Variants in DROSHA observed in about 807,000 individuals in gnomAD.
DROSHA encodes the protein ribonuclease 3.
A neutral mutation model predicts 181.9 loss-of-function variants in DROSHA; 56 were observed. That is an observed-to-expected ratio of 0.31 (90% CI 0.25 to 0.38). DROSHA has a LOEUF of 0.38. Among genes scored for constraint, DROSHA ranks in the 10% least tolerant of loss-of-function variants. DROSHA has a pLI of 1.00. For missense variants in DROSHA, 1,218 were observed against 1,743.5 expected, an observed-to-expected ratio of 0.70 and a Z score of 5.37; for synonymous variants, 524 against 591.2, an observed-to-expected ratio of 0.89 and a Z score of 1.65.
At chr5:31,430,590 T>C (rs1178976143) in intron 26 of DROSHA, among the ~76,000 whole-genome samples, 2 of 152,146 alleles carry the variant, frequency 1.3e-5, no homozygotes, top group African/African-American at 4.8e-5. Context: ...AAGACACAGA[T>C]CTGATAAATG....
At chr5:31,485,585 CTT>C (rs1751629276) in intron 14 of DROSHA, among the ~76,000 whole-genome samples, 1 of 138,732 alleles carries the variant, frequency 7.2e-6, no homozygotes, top group Non-Finnish European at 1.5e-5. Flanking sequence ...AAGTCATAAA[CTT>C]TTACAATAGC....
intron 20 of DROSHA, among the ~76,000 whole-genome samples, chr5:31,456,996 C>T (rs1030102303): frequency 2.6e-5 from 4 of 151,918 alleles, no homozygotes; most frequent in Admixed American, 2.6e-4. Flanking sequence ...CACACCTGGT[C>T]CAGACACATT....
At chr5:31,497,835 G>A (rs1489296386) in intron 11 of DROSHA, among the ~76,000 whole-genome samples, 2 of 152,204 alleles carry the variant, frequency 1.3e-5, no homozygotes, top group Non-Finnish European at 2.9e-5. Flanking sequence ...TCTCCTCAAA[G>A]ATAAGTCTTA....
Position 31,527,315 on chromosome 5 carries a change from T to C in DROSHA, c.21-403A>G, listed in dbSNP as rs113457596. Reference sequence around the variant, plus strand: ...CCCACTCCCATCTCCAAATGCAGATTTGGGATTACCACCCCCCCTCTGCAA... The same window carrying C: ...CCCACTCCCATCTCCAAATGCAGATCTGGGATTACCACCCCCCCTCTGCAA... On this transcript the variant is annotated intron_variant, in intron 4 of 35. Coordinates refer to ENST00000344624, the MANE Select transcript of DROSHA (RefSeq NM_001382508.1). 5.1e-3 allele frequency among the ~76,000 whole-genome samples: 780 copies of C among 152,118 alleles called. 10 individuals are homozygous for C. The highest frequency in any genetic ancestry group is 0.018 in the African/African-American group (743 of 41,476).
At chr5:31,402,969 G>T (rs1740205393) in intron 35 of DROSHA, among the ~76,000 whole-genome samples, 1 of 152,102 alleles carries the variant, frequency 6.6e-6, no homozygotes, top group Non-Finnish European at 1.5e-5. Context: ...TTTTAGTCGA[G>T]ATGGGGTTTC....
intron 17 of DROSHA, among the ~76,000 whole-genome samples, chr5:31,468,935 G>C (rs1201359558): frequency 6.6e-6 from 1 of 152,148 alleles, no homozygotes; most frequent in Non-Finnish European, 1.5e-5. Flanking sequence ...TTGGCTGCCT[G>C]GTTTCCCTGG....
chr5:31,470,912 A>G lies in DROSHA; in HGVS notation c.2241+1151T>C, dbSNP rs1749654339. 6.6e-6 allele frequency among the ~76,000 whole-genome samples: 1 copy of G among 152,156 alleles called. No individual in the cohort carries two copies. Among genetic ancestry groups the G allele is most frequent in the South Asian group, 2.1e-4 (1 of 4,832 alleles). ...ATGAAAAGTGACAGAGGGAATATCA[A>G]TATATGCAACTGTTTTAAGAATAAA... is the stretch of plus-strand genomic sequence containing the variant. On this transcript the variant is annotated intron_variant, in intron 17 of 35. Coordinates refer to ENST00000344624, the MANE Select transcript of DROSHA (RefSeq NM_001382508.1). The surrounding 1 kb of genome is among the most constrained non-coding windows in gnomAD (Gnocchi z 4.0).
intron 6 of DROSHA, 147 bp from the exon 7 acceptor site, chr5:31,515,711 G>T: frequency 8.6e-7 from 1 of 1,157,114 alleles, no homozygotes; most frequent in Non-Finnish European, 1.2e-6. Context: ...TCTCAATATG[G>T]CCATAAATTT....
intron 23 of DROSHA, among the ~76,000 whole-genome samples, chr5:31,445,991 T>C (rs1248305451): frequency 2.0e-5 from 3 of 152,186 alleles, no homozygotes; most frequent in Non-Finnish European, 4.4e-5. Context: ...CTGCTATTTG[T>C]AGATGATATT....
intron 23 of DROSHA, among the ~76,000 whole-genome samples, chr5:31,444,821 G>T (rs1452098378): frequency 6.6e-6 from 1 of 152,166 alleles, no homozygotes; most frequent in African/African-American, 2.4e-5. Flanking sequence ...AGGTATATGG[G>T]CATATGATCA....
chr5:31,481,279 C>T (rs1268596282), intron 16 of DROSHA, among the ~76,000 whole-genome samples: 6 of 151,948 alleles, frequency 3.9e-5, no homozygotes, highest in Non-Finnish European at 7.4e-5. Context: ...AAAGGTAAAC[C>T]CTGTTTAAAA....
intron 25 of DROSHA, among the ~76,000 whole-genome samples, chr5:31,433,689 C>A (rs531224133): frequency 2.6e-5 from 4 of 152,052 alleles, no homozygotes; most frequent in African/African-American, 4.8e-5. Flanking sequence ...GGACTACAGG[C>A]GCCTGCCACC....
chr5:31,439,029 T>C (rs1687899796), intron 23 of DROSHA, among the ~76,000 whole-genome samples: 1 of 152,156 alleles, frequency 6.6e-6, no homozygotes, highest in African/African-American at 2.4e-5. Flanking sequence ...AATTCAGTCC[T>C]GTGAAGTCAC....
intron 4 of DROSHA, 75 bp downstream of exon 4, chr5:31,528,965 C>G: frequency 1.3e-6 from 2 of 1,579,640 alleles, no homozygotes; most frequent in South Asian, 2.3e-5. Context: ...CCTTTCCACC[C>G]TCTATAGCCC....
intron 27 of DROSHA, among the ~76,000 whole-genome samples, chr5:31,428,260 G>A (rs778516001): frequency 1.5e-4 from 23 of 148,986 alleles, no homozygotes; most frequent in Non-Finnish European, 3.0e-4. Context: ...AGGTAAGATG[G>A]GAGAAGAGGA....
chr5:31,520,657 T>C (rs1739789601), intron 6 of DROSHA, among the ~76,000 whole-genome samples: 1 of 152,176 alleles, frequency 6.6e-6, no homozygotes, highest in Admixed American at 6.5e-5. Flanking sequence ...TAGAGTGCTG[T>C]TCTTCATTAC....
chr5:31,438,921 T>C (rs1179933900), intron 23 of DROSHA, among the ~76,000 whole-genome samples: 1 of 152,050 alleles, frequency 6.6e-6, no homozygotes, highest in East Asian at 1.9e-4. Context: ...AAGGACAGCA[T>C]GGTATCCTCC....
intron 24 of DROSHA, among the ~76,000 whole-genome samples, 173 bp from the exon 25 acceptor site, chr5:31,436,037 T>C (rs1167478059): frequency 6.6e-6 from 1 of 152,230 alleles, no homozygotes; most frequent in Non-Finnish European, 1.5e-5. Context: ...ACAGTATATC[T>C]GAATGTGCTA....
At chr5:31,486,350 G>T in intron 14 of DROSHA, 141 bp downstream of exon 14, 2 of 774,602 alleles carry the variant, frequency 2.6e-6, no homozygotes, top group South Asian at 2.1e-5. Flanking sequence ...ACATTTCACT[G>T]ACTCTTTCAA....
Sources: gnomAD v4.1 joint callset for allele counts (sites outside exome capture counted in the v4.1 genomes callset) on GRCh38, gnomAD v4.1.1 for gene constraint, Gnocchi (gnomAD v3.1) non-coding constraint, MANE v1.5 for transcripts, NCBI Gene and HGNC (gene_info 2026-07-23, HGNC 2026-07-21) for gene names.